The following PCNX2 variants were observed in gnomAD, a reference collection of about 807,000 sequenced individuals.
The protein encoded by PCNX2 is pecanex 2, also known as pecanex-like protein 2.
A neutral mutation model predicts 223.8 loss-of-function variants in PCNX2; 168 were observed. The observed-to-expected ratio is 0.75, with a 90% CI of 0.66 to 0.85. PCNX2 has a LOEUF of 0.85. Among genes scored for constraint, PCNX2 ranks in the 40% least tolerant of loss-of-function variants. PCNX2 has a pLI of 0.00. For missense variants in PCNX2, 2,507 were observed against 2,675.5 expected, an observed-to-expected ratio of 0.94 and a Z score of 1.39; for synonymous variants, 1,006 against 1,052.6, an observed-to-expected ratio of 0.96 and a Z score of 0.86.
chr1:233,314,863 C>T, the PCNX2 span, among the ~76,000 whole-genome samples: 4 of 152,186 alleles, frequency 2.6e-5, no homozygotes, highest in African/African-American at 9.6e-5. Flanking sequence ...TGAACCCTCA[C>T]CTTTATCAAG....
At chr1:233,255,196 G>A (rs987790727) in intron 5 of PCNX2, among the ~76,000 whole-genome samples, 10 of 152,062 alleles carry the variant, frequency 6.6e-5, no homozygotes, top group African/African-American at 2.2e-4. Context: ...TAATTAGCCC[G>A]AAATGGCCAG....
At chr1:233,008,279 A>G (rs1670353961) in intron 28 of PCNX2, among the ~76,000 whole-genome samples, 1 of 152,172 alleles carries the variant, frequency 6.6e-6, no homozygotes, top group Admixed American at 6.5e-5. Context: ...ACACTCGGTA[A>G]AGAACACGTG....
intron 3 of PCNX2, among the ~76,000 whole-genome samples, chr1:233,261,577 G>A (rs1266205845): frequency 6.6e-6 from 1 of 152,134 alleles, no homozygotes; most frequent in East Asian, 1.9e-4. Context: ...AGCAAAGAAG[G>A]AAGAAGCCAC....
At chr1:233,019,292 G>C (rs2102823974) in intron 26 of PCNX2, 2 of 794,762 alleles carry the variant, frequency 2.5e-6, no homozygotes, top group East Asian at 1.3e-4. Context: ...CCAAAAATGA[G>C]GAAGTGGAAA....
chr1:233,015,436 C>T (rs1460534506), intron 27 of PCNX2, among the ~76,000 whole-genome samples: 4 of 152,144 alleles, frequency 2.6e-5, no homozygotes, highest in East Asian at 1.9e-4. Context: ...CGGTGGCTCA[C>T]GCCTGTAATC....
At chr1:233,263,185 G>C (rs1558404834) in intron 1 of PCNX2, 22 bp from the exon 2 acceptor site, 32 of 1,548,154 alleles carry the variant, frequency 2.1e-5, no homozygotes, top group Non-Finnish European at 2.8e-5. Flanking sequence ...AAAAGACAGA[G>C]AAAAATCATT....
chr1:233,237,732 C>T (rs1658504396), intron 8 of PCNX2, among the ~76,000 whole-genome samples: 1 of 152,166 alleles, frequency 6.6e-6, no homozygotes, highest in African/African-American at 2.4e-5. Flanking sequence ...CAGAATGTCT[C>T]CTAACATAAC....
intron 13 of PCNX2, among the ~76,000 whole-genome samples, chr1:233,204,281 A>G (rs1681315196): frequency 6.6e-6 from 1 of 152,160 alleles, no homozygotes; most frequent in Non-Finnish European, 1.5e-5. Context: ...GGCCTGGAAC[A>G]GGTCCTTCTT....
At position 233,179,058 on chromosome 1, in the gene PCNX2, C is replaced by T. The variant is rs766117948; in HGVS notation, c.3176+8G>A. ...AGTGATGAGAGAGCACAGGCATAGACCACTCACATGAGTACAGATGGGTCA... is the reference window on the plus strand; with the variant it reads ...AGTGATGAGAGAGCACAGGCATAGATCACTCACATGAGTACAGATGGGTCA... On this transcript the variant is annotated splice_region_variant and intron_variant, in intron 16 of 33. Coordinates refer to ENST00000258229, the MANE Select transcript of PCNX2 (RefSeq NM_014801.4). 1 of 1,612,580 alleles carries T rather than the reference C, an allele frequency of 6.2e-7. No homozygotes were observed. Among genetic ancestry groups the T allele is most frequent in the Admixed American group, 1.7e-5 (1 of 60,010 alleles).
the PCNX2 span, among the ~76,000 whole-genome samples, chr1:233,325,028 T>C: frequency 2.0e-5 from 3 of 152,236 alleles, no homozygotes; most frequent in African/African-American, 7.2e-5. Context: ...ATAAATGTTG[T>C]TTCCATGCCT....
chr1:233,043,200 C>T (rs1171717149), intron 25 of PCNX2, among the ~76,000 whole-genome samples: 10 of 152,126 alleles, frequency 6.6e-5, no homozygotes, highest in Non-Finnish European at 1.5e-4. Flanking sequence ...ATAAACTAAC[C>T]CATCAGCCTA....
intron 15 of PCNX2, among the ~76,000 whole-genome samples, chr1:233,191,140 T>C (rs1050632762): frequency 6.6e-6 from 1 of 152,234 alleles, no homozygotes; most frequent in African/African-American, 2.4e-5. Flanking sequence ...TAACAATCCA[T>C]GAATGCACAT....
the PCNX2 span, among the ~76,000 whole-genome samples, chr1:233,324,154 G>A: frequency 8.5e-5 from 13 of 152,342 alleles, no homozygotes; most frequent in African/African-American, 3.1e-4. Flanking sequence ...GCTGAGAGAG[G>A]TGAGAAAGTT....
chr1:233,245,676 A>G (rs1039359374), intron 8 of PCNX2, among the ~76,000 whole-genome samples: 1 of 152,214 alleles, frequency 6.6e-6, no homozygotes, highest in Non-Finnish European at 1.5e-5. Flanking sequence ...GCACTTTGAG[A>G]GGCCAAGGCA....
At chr1:233,136,763 C>T (rs1035691325) in intron 20 of PCNX2, among the ~76,000 whole-genome samples, 4 of 151,888 alleles carry the variant, frequency 2.6e-5, no homozygotes, top group Admixed American at 6.6e-5. Context: ...GCCCAAGGTA[C>T]AAAAACCTAA....
At position 233,295,590 on chromosome 1, in the gene PCNX2, T is replaced by TCGCCGCCGCCGTCGC. The variant is rs1029472619; in HGVS notation, c.-127_-113dup. The TCGCCGCCGCCGTCGC allele has an allele frequency of 8.6e-7, 1 of 1,166,480 alleles. No homozygotes were observed. Among genetic ancestry groups the TCGCCGCCGCCGTCGC allele is most frequent in the Non-Finnish European group, 1.1e-6 (1 of 915,842 alleles). The allele number at this position is 1,166,480 out of a possible 1,614,324, so 72.3% of individuals were successfully genotyped here. ...GGGCCCGCGGGCCGCGCCCCCGCCG[T>TCGCCGCCGCCGTCGC]CGCCGCCGCCGTCGCCCCCGCCGCC... is the stretch of plus-strand genomic sequence containing the variant. On this transcript the variant is annotated 5_prime_UTR_variant, in exon 1 of 34. Coordinates refer to ENST00000258229, the MANE Select transcript of PCNX2 (RefSeq NM_014801.4). This position sits in a 1 kb window ranked among gnomAD's most constrained non-coding sequence, Gnocchi z 4.1.
chr1:233,263,676 G>A (rs556129025), intron 1 of PCNX2, among the ~76,000 whole-genome samples: 22 of 152,048 alleles, frequency 1.4e-4, no homozygotes, highest in African/African-American at 4.1e-4. Flanking sequence ...GGCTGGTCTC[G>A]AACTCCTGAC....
chr1:233,227,931 C>A (rs1041849530), intron 9 of PCNX2, among the ~76,000 whole-genome samples: 3 of 151,812 alleles, frequency 2.0e-5, no homozygotes, highest in African/African-American at 7.3e-5. Context: ...AGTTTTAACC[C>A]CTAATTCATC....
chr1:233,195,747 C>T (rs1314383372), intron 15 of PCNX2, among the ~76,000 whole-genome samples: 1 of 152,070 alleles, frequency 6.6e-6, no homozygotes. Context: ...TTGAAAGATA[C>T]AAAATACTCC....
Sources: gnomAD v4.1 joint callset for allele counts (sites outside exome capture counted in the v4.1 genomes callset) on GRCh38, gnomAD v4.1.1 for gene constraint, Gnocchi (gnomAD v3.1) non-coding constraint, MANE v1.5 for transcripts, NCBI Gene and HGNC (gene_info 2026-07-23, HGNC 2026-07-21) for gene names.